OPRM1: variants seen among roughly 807,000 people sequenced by gnomAD.
OPRM1 encodes opioid receptor mu 1.
In OPRM1, 27 loss-of-function variants were observed where a neutral mutation model predicts 31.8. The observed-to-expected ratio is 0.85, with a 90% CI of 0.63 to 1.17. OPRM1 has a LOEUF of 1.17. Among genes scored for constraint, OPRM1 ranks in the 50% most tolerant of loss-of-function variants. The pLI is 0.00. For missense variants in OPRM1, 536 were observed against 511.1 expected (o/e 1.05, Z -0.47); for synonymous variants, 196 against 189.9 (o/e 1.03, Z -0.26).
At chr6:154,039,138 T>C, upstream of OPRM1, 1 of 1,547,968 alleles carries the variant, frequency 6.5e-7, no homozygotes, top group Non-Finnish European at 8.7e-7. Context: ...TCCCCAACCC[T>C]TCTCTCCATC....
At chr6:154,221,412 GC>G in intron 3 of OPRM1, 3 of 1,047,378 alleles carry the variant, frequency 2.9e-6, no homozygotes, top group Non-Finnish European at 4.3e-6. Flanking sequence ...TAAAATACAA[GC>G]TTTGTAAACT....
chr6:154,087,757 A>C (rs1037294296), intron 1 of OPRM1: 4 of 183,362 alleles, frequency 2.2e-5, no homozygotes, highest in Non-Finnish European at 4.1e-5. Context: ...TGAGAACGGG[A>C]AATGAGTGGT....
chr6:154,190,196 G>A (rs942683966), intron 3 of OPRM1, among the ~76,000 whole-genome samples: 5 of 151,880 alleles, frequency 3.3e-5, no homozygotes, highest in African/African-American at 1.2e-4. Context: ...TGTACATGTA[G>A]AGTAATAAAA....
At chr6:154,153,366 G>A (rs1254722291) in intron 3 of OPRM1, among the ~76,000 whole-genome samples, 1 of 152,164 alleles carries the variant, frequency 6.6e-6, no homozygotes, top group African/African-American at 2.4e-5. Context: ...ATCCAGGTGA[G>A]CCTGTTGTAA....
chr6:154,045,229 A>C (rs79754542), intron 1 of OPRM1, among the ~76,000 whole-genome samples: 1 of 151,936 alleles, frequency 6.6e-6, no homozygotes. Context: ...CGACTCAAAC[A>C]AAAAAAATAA....
At chr6:154,241,023 G>A (rs1396009515) in intron 3 of OPRM1, among the ~76,000 whole-genome samples, 1 of 152,024 alleles carries the variant, frequency 6.6e-6, no homozygotes, top group African/African-American at 2.4e-5. Context: ...AAATCATGAG[G>A]TCAAGAGATC....
chr6:154,161,438 TTA>T (rs1180397148), intron 3 of OPRM1, among the ~76,000 whole-genome samples: 1 of 152,072 alleles, frequency 6.6e-6, no homozygotes, highest in East Asian at 1.9e-4. Flanking sequence ...CTCAAACTCC[TTA>T]AACCTCAAGT....
At chr6:154,072,784 C>T (rs1787070471) in intron 1 of OPRM1, among the ~76,000 whole-genome samples, 1 of 152,170 alleles carries the variant, frequency 6.6e-6, no homozygotes, top group East Asian at 1.9e-4. Context: ...TGATAAATAT[C>T]TTTATGATGG....
chr6:154,164,082 A>G (rs1583679732), intron 3 of OPRM1, among the ~76,000 whole-genome samples: 1 of 152,352 alleles, frequency 6.6e-6, no homozygotes, highest in East Asian at 1.9e-4. Flanking sequence ...TACTGCTATT[A>G]ATGTAAAGTT....
chr6:154,166,874 C>T (rs1305275727), intron 3 of OPRM1, among the ~76,000 whole-genome samples: 1 of 152,164 alleles, frequency 6.6e-6, no homozygotes. Flanking sequence ...CCAGTGATAT[C>T]TTTTATTATC....
chr6:154,245,387 G>A lies in OPRM1; in HGVS notation c.1165-1306G>A, dbSNP rs188988250. Among the ~76,000 whole-genome samples the A allele has an allele frequency of 9.4e-3, 1,426 of 152,278 alleles. 16 individuals are homozygous for A. The highest frequency in any genetic ancestry group is 0.024 in the Middle Eastern group (7 of 294). On this transcript the variant is annotated intron_variant, in intron 3 of 3. Transcript: ENST00000337049. Reference sequence around the variant, plus strand: ...ATAAGTTTGGGGGCAGAGCAGCAGAGAGGAGAGTGCTTATTCCCAGCACTG... The same window carrying A: ...ATAAGTTTGGGGGCAGAGCAGCAGAAAGGAGAGTGCTTATTCCCAGCACTG...
chr6:154,093,858 A>C (rs563743385), intron 3 of OPRM1, among the ~76,000 whole-genome samples: 2 of 152,350 alleles, frequency 1.3e-5, no homozygotes, highest in East Asian at 3.9e-4. Flanking sequence ...ACAACCAGAC[A>C]ACTGGAACAA....
intron 1 of OPRM1, among the ~76,000 whole-genome samples, chr6:154,048,886 A>C (rs983880277): frequency 6.6e-6 from 1 of 152,166 alleles, no homozygotes; most frequent in Admixed American, 6.5e-5. Context: ...AAGAAGTAAA[A>C]ACATAAAAAG....
At chr6:154,200,519 G>A (rs1776977874) in intron 3 of OPRM1, among the ~76,000 whole-genome samples, 1 of 152,076 alleles carries the variant, frequency 6.6e-6, no homozygotes, top group Non-Finnish European at 1.5e-5. Flanking sequence ...CCGGGAGTTT[G>A]AGACCAGCCG....
At chr6:154,215,245 T>C (rs1434982877) in intron 3 of OPRM1, among the ~76,000 whole-genome samples, 2 of 152,168 alleles carry the variant, frequency 1.3e-5, no homozygotes, top group African/African-American at 4.8e-5. Flanking sequence ...GTCAGATAAT[T>C]AGGAATCCTT....
intron 1 of OPRM1, among the ~76,000 whole-genome samples, chr6:154,076,556 GCC>G (rs1317745038): frequency 2.7e-4 from 41 of 152,150 alleles, no homozygotes; most frequent in African/African-American, 9.6e-4. Context: ...GGTGGCTCAC[GCC>G]TGTAATCCCA....
intron 3 of OPRM1, among the ~76,000 whole-genome samples, chr6:154,102,768 C>T (rs1490225953): frequency 6.6e-6 from 1 of 152,110 alleles, no homozygotes; most frequent in East Asian, 1.9e-4. Flanking sequence ...TGTTCAATAG[C>T]TGGAGAAACA....
chr6:154,102,051 T>C (rs790718), intron 3 of OPRM1, among the ~76,000 whole-genome samples: 125,614 of 152,058 alleles, frequency 0.83, 52,468 homozygotes, highest in African/African-American at 0.94. Context: ...GTGATCCTCC[T>C]GCCTCAGCCT....
At chr6:154,159,053 G>A (rs1505579) in intron 3 of OPRM1, 2 of 152,096 alleles carry the variant, frequency 1.3e-5, no homozygotes, top group Non-Finnish European at 1.5e-5. Context: ...CATTCTTTGC[G>A]GAACATATTC....
Sources: gnomAD v4.1 joint callset for allele counts (sites outside exome capture counted in the v4.1 genomes callset) on GRCh38, gnomAD v4.1.1 for gene constraint, MANE v1.5 for transcripts, NCBI Gene and HGNC (gene_info 2026-07-23, HGNC 2026-07-21) for gene names.